The following DLC1 variants were observed in gnomAD, a reference collection of about 807,000 sequenced individuals.
DLC1 encodes the protein DLC1 Rho GTPase activating protein.
In DLC1, 54 loss-of-function variants were observed where a neutral mutation model predicts 140.3. The observed-to-expected ratio is 0.38, with a 90% confidence interval of 0.31 to 0.48. The LOEUF (loss-of-function observed/expected upper bound fraction) is 0.48. DLC1 is among the 20% of genes least tolerant of loss of function. The pLI, the probability that DLC1 is intolerant of heterozygous loss-of-function variation, is 0.96. For synonymous variants in DLC1, 986 were observed against 728.1 expected, an observed-to-expected ratio of 1.35 and a Z score of -5.70; for missense variants, 2,536 against 1,907.0, an observed-to-expected ratio of 1.33 and a Z score of -6.14.
intron 5 of DLC1, among the ~76,000 whole-genome samples, chr8:13,286,844 G>A (rs1420560417): frequency 1.3e-5 from 2 of 152,024 alleles, no homozygotes; most frequent in African/African-American, 4.8e-5. Context: ...TTGATAAAAG[G>A]AAAAATAGAA....
At chr8:13,601,721 T>G (rs1350967814) in intron 1 of DLC1, among the ~76,000 whole-genome samples, 1 of 150,498 alleles carries the variant, frequency 6.6e-6, no homozygotes, top group Non-Finnish European at 1.5e-5. Context: ...ACAACTGGAG[T>G]GTGCCTTTTC....
intron 2 of DLC1, among the ~76,000 whole-genome samples, chr8:13,470,151 T>A (rs1373088860): frequency 6.6e-6 from 1 of 152,192 alleles, no homozygotes; most frequent in Non-Finnish European, 1.5e-5. Context: ...AATCCTTTGA[T>A]ACAGCTGGAA....
intron 1 of DLC1, among the ~76,000 whole-genome samples, chr8:13,533,745 C>T (rs1292252397): frequency 6.6e-6 from 1 of 152,064 alleles, no homozygotes; most frequent in Non-Finnish European, 1.5e-5. Flanking sequence ...ATGGTAATCC[C>T]CATGTGTGGA....
chr8:13,493,549 G>A (rs1263371817), intron 2 of DLC1, among the ~76,000 whole-genome samples: 1 of 152,110 alleles, frequency 6.6e-6, no homozygotes, highest in Admixed American at 6.6e-5. Context: ...TCATGTCTGA[G>A]AACATATGTG....
At chr8:13,370,711 T>C (rs1400741699) in intron 4 of DLC1, among the ~76,000 whole-genome samples, 2 of 152,226 alleles carry the variant, frequency 1.3e-5, no homozygotes, top group African/African-American at 4.8e-5. Context: ...GCTCTGCTTT[T>C]CTTTTGGCTA....
chr8:13,516,012 C>T (rs537282427), upstream of DLC1, among the ~76,000 whole-genome samples: 1 of 152,074 alleles, frequency 6.6e-6, no homozygotes. Context: ...TGTGGAGAGG[C>T]CAGTAGAGCA....
At chr8:13,455,367 C>A (rs1408837129) in intron 2 of DLC1, among the ~76,000 whole-genome samples, 1 of 152,070 alleles carries the variant, frequency 6.6e-6, no homozygotes, top group Admixed American at 6.6e-5. Context: ...TCCAAGTGTC[C>A]CATGACATTC....
At chr8:13,362,893 T>A (rs1835301057) in intron 4 of DLC1, among the ~76,000 whole-genome samples, 1 of 152,154 alleles carries the variant, frequency 6.6e-6, no homozygotes, top group Admixed American at 6.6e-5. Flanking sequence ...ACTTAAGTGT[T>A]CCAGCATCCT....
intron 2 of DLC1, among the ~76,000 whole-genome samples, chr8:13,498,582 A>T (rs2117196971): frequency 6.6e-6 from 1 of 152,282 alleles, no homozygotes; most frequent in East Asian, 1.9e-4. Context: ...ATGTGAGGGG[A>T]TTATTTTAAA....
chr8:13,228,758 C>A (rs971569863), intron 5 of DLC1, among the ~76,000 whole-genome samples: 3 of 152,058 alleles, frequency 2.0e-5, no homozygotes, highest in African/African-American at 7.2e-5. Flanking sequence ...TCTTTAAAAA[C>A]AATGGACAAA....
intron 5 of DLC1, among the ~76,000 whole-genome samples, chr8:13,169,092 C>G (rs144967512): frequency 0.011 from 1,664 of 152,294 alleles, 19 homozygotes; most frequent in South Asian, 0.039. Context: ...TGTTATGGAT[C>G]AGAAGGAAAT....
chr8:13,281,598 G>A (rs1160494245), intron 5 of DLC1, among the ~76,000 whole-genome samples: 2 of 152,108 alleles, frequency 1.3e-5, no homozygotes, highest in Non-Finnish European at 2.9e-5. Context: ...TGCTTAGAAA[G>A]CTTTACTGAC....
At chr8:13,404,961 C>A (rs1015677717) in intron 2 of DLC1, among the ~76,000 whole-genome samples, 1 of 151,836 alleles carries the variant, frequency 6.6e-6, no homozygotes, top group Non-Finnish European at 1.5e-5. Context: ...GAGCCAAGAT[C>A]GTGCCATTGT....
chr8:13,342,875 C>G (rs558365692), intron 4 of DLC1: 3 of 147,594 alleles, frequency 2.0e-5, no homozygotes, highest in African/African-American at 7.5e-5. Context: ...TCCAACATAT[C>G]CATTTGTTTT....
At chr8:13,400,460 A>G (rs1047289467) in intron 3 of DLC1, among the ~76,000 whole-genome samples, 4 of 152,234 alleles carry the variant, frequency 2.6e-5, no homozygotes, top group African/African-American at 9.6e-5. Flanking sequence ...TACAAAGTTC[A>G]TAATGTTATT....
chr8:13,111,973 T>C (rs1339855344), intron 6 of DLC1, among the ~76,000 whole-genome samples: 1 of 151,896 alleles, frequency 6.6e-6, no homozygotes, highest in Non-Finnish European at 1.5e-5. Context: ...TGGCGAGACC[T>C]TGTCTCTACA....
chr8:13,364,901 A>C (rs1050977624), intron 4 of DLC1, among the ~76,000 whole-genome samples: 4 of 152,252 alleles, frequency 2.6e-5, no homozygotes, highest in Non-Finnish European at 4.4e-5. Flanking sequence ...ATTTGAGTTT[A>C]TTAAAATATA....
chr8:13,218,974 G>A lies in DLC1; in HGVS notation c.1348+86295C>T, dbSNP rs1264328035. On this transcript the variant is annotated intron_variant, in intron 5 of 17. Transcript: ENST00000276297. Reference sequence around the variant, plus strand: ...ATTATATACGTATATAATTATATACGTATATAACTATATAATTATATACGA... The same window carrying A: ...ATTATATACGTATATAATTATATACATATATAACTATATAATTATATACGA... Among the ~76,000 whole-genome samples, 6 of 59,802 alleles carry A rather than the reference G, an allele frequency of 1.0e-4. 1 individual carries two copies. The highest frequency in any genetic ancestry group is 1.0e-3 in the South Asian group (2 of 2,004). 39.2% of individuals were successfully genotyped at this position (59,802 alleles called of 152,430 possible).
At chr8:13,093,560 C>A (rs1019443274) in intron 12 of DLC1, among the ~76,000 whole-genome samples, 2 of 152,192 alleles carry the variant, frequency 1.3e-5, no homozygotes, top group Non-Finnish European at 2.9e-5. Context: ...ATCTTCAGGT[C>A]TCCTTGAATA....
Sources: gnomAD v4.1 joint callset for allele counts (sites outside exome capture counted in the v4.1 genomes callset) on GRCh38, gnomAD v4.1.1 for gene constraint, MANE v1.5 for transcripts, NCBI Gene and HGNC (gene_info 2026-07-23, HGNC 2026-07-21) for gene names.